Variants in PDZRN4 observed in about 807,000 individuals in gnomAD.
PDZRN4 encodes PDZ domain containing ring finger 4, also known as PDZ domain-containing RING finger protein 4.
In PDZRN4, 70 loss-of-function variants were observed where a neutral mutation model predicts 99.0. The observed-to-expected ratio is 0.71, with a 90% CI of 0.58 to 0.86. The LOEUF is 0.86. Ranked by LOEUF, PDZRN4 falls within the 40% of genes least tolerant of loss-of-function variation. PDZRN4 has a pLI of 0.00. For missense variants in PDZRN4, 1,474 were observed against 1,331.2 expected (o/e 1.11, Z -1.67); for synonymous variants, 551 against 501.6 (o/e 1.10, Z -1.32).
At chr12:41,255,163 GT>G (rs1453692869) in intron 3 of PDZRN4, among the ~76,000 whole-genome samples, 2 of 152,170 alleles carry the variant, frequency 1.3e-5, no homozygotes, top group Non-Finnish European at 2.9e-5. Context: ...AGGGGACAGA[GT>G]TTAGTGAGAC....
rs996491892 is a variant in PDZRN4 at position 41,327,649 on chromosome 12, G to A, written c.843+133461G>A. 3.3e-5 allele frequency among the ~76,000 whole-genome samples: 5 copies of A among 152,252 alleles called. 1 individual carries two copies. The highest frequency in any genetic ancestry group is 1.2e-4 in the African/African-American group (5 of 41,566). On this transcript the variant is annotated intron_variant, in intron 3 of 9. Transcript: ENST00000402685. ...AAGGCCAGGGGCTTAAGGCTGAAAT[G>A]GCTACTATCACTTTTAACTTTCTGT...
Position 41,244,808 on chromosome 12 carries a change from C to T in PDZRN4, c.843+50620C>T, listed in dbSNP as rs1326827182. Among the ~76,000 whole-genome samples, 5 of 149,422 alleles carry T rather than the reference C, an allele frequency of 3.3e-5. No individual in the cohort carries two copies. The East Asian group carries it at 1.0e-3, about 30-fold the overall frequency. On this transcript the variant is annotated intron_variant, in intron 3 of 9. Coordinates refer to ENST00000402685, the MANE Select transcript of PDZRN4 (RefSeq NM_001164595.2). ...CACGCCATTCTCCTGCCTCAGCCTCCCGAGTAGCTGGGACTACAGGCGCCC... is the reference window on the plus strand; with the variant it reads ...CACGCCATTCTCCTGCCTCAGCCTCTCGAGTAGCTGGGACTACAGGCGCCC...
At chr12:41,321,964 A>T (rs1416683035) in intron 3 of PDZRN4, among the ~76,000 whole-genome samples, 1 of 152,190 alleles carries the variant, frequency 6.6e-6, no homozygotes, top group East Asian at 1.9e-4. Flanking sequence ...CATATTAGAA[A>T]TTATATATTT....
chr12:41,238,336 T>C (rs1186810769), intron 3 of PDZRN4, among the ~76,000 whole-genome samples: 1 of 152,078 alleles, frequency 6.6e-6, no homozygotes, highest in Non-Finnish European at 1.5e-5. Flanking sequence ...ATCCTGAGAC[T>C]TTGCAGAAGT....
chr12:41,399,767 C>T (rs1045685694), intron 3 of PDZRN4, among the ~76,000 whole-genome samples: 2 of 151,744 alleles, frequency 1.3e-5, no homozygotes, highest in Non-Finnish European at 2.9e-5. Flanking sequence ...CAACCTATAG[C>T]GGTATGTTAA....
At chr12:41,540,148 A>G (rs1938823057) in intron 5 of PDZRN4, among the ~76,000 whole-genome samples, 1 of 152,220 alleles carries the variant, frequency 6.6e-6, no homozygotes, top group South Asian at 2.1e-4. Context: ...GAAATCATAC[A>G]TCAATTCAGG....
At chr12:41,248,692 A>G (rs1056380090) in intron 3 of PDZRN4, among the ~76,000 whole-genome samples, 2 of 152,188 alleles carry the variant, frequency 1.3e-5, no homozygotes, top group African/African-American at 4.8e-5. Flanking sequence ...ATATATAGCA[A>G]TTAACCAAAA....
At chr12:41,398,423 A>G (rs1223122047) in intron 3 of PDZRN4, among the ~76,000 whole-genome samples, 1 of 152,182 alleles carries the variant, frequency 6.6e-6, no homozygotes, top group African/African-American at 2.4e-5. Flanking sequence ...CAAGTTAGAA[A>G]AGAAAGTGAA....
At chr12:41,374,657 G>A (rs1952066778) in intron 3 of PDZRN4, among the ~76,000 whole-genome samples, 1 of 152,166 alleles carries the variant, frequency 6.6e-6, no homozygotes, top group African/African-American at 2.4e-5. Context: ...CATGAATGGA[G>A]GGGATAAATT....
intron 5 of PDZRN4, among the ~76,000 whole-genome samples, chr12:41,528,808 A>G (rs2120732854): frequency 1.3e-5 from 2 of 152,350 alleles, no homozygotes. Flanking sequence ...TAAGTTTTCA[A>G]AAAGTGTTAT....
intron 3 of PDZRN4, among the ~76,000 whole-genome samples, chr12:41,204,337 A>G (rs1217958220): frequency 6.6e-6 from 1 of 152,022 alleles, no homozygotes; most frequent in Non-Finnish European, 1.5e-5. Context: ...AAAAGGCTTG[A>G]TGGATTACCC....
chr12:41,449,904 A>G (rs538155172), intron 3 of PDZRN4, among the ~76,000 whole-genome samples: 10 of 152,242 alleles, frequency 6.6e-5, no homozygotes, highest in African/African-American at 1.9e-4. Flanking sequence ...TAAATTGTCA[A>G]ATTATTGATT....
At chr12:41,235,672 G>C (rs1951061916) in intron 3 of PDZRN4, among the ~76,000 whole-genome samples, 1 of 152,100 alleles carries the variant, frequency 6.6e-6, no homozygotes, top group African/African-American at 2.4e-5. Context: ...ATTTTTAAAT[G>C]CTGGTTTGAA....
chr12:41,564,851 G>T lies in PDZRN4; in HGVS notation c.1467+1202G>T, dbSNP rs929496427. On this transcript the variant is annotated intron_variant, in intron 8 of 9. Coordinates refer to ENST00000402685, the MANE Select transcript of PDZRN4 (RefSeq NM_001164595.2). Reference sequence around the variant, plus strand: ...CGCTGCTCCCATTTTCTTCAAAAAAGAACATAATAAAGGGGCTAAATGCAT... The same window carrying T: ...CGCTGCTCCCATTTTCTTCAAAAAATAACATAATAAAGGGGCTAAATGCAT... Among the ~76,000 whole-genome samples, 3 of 152,060 alleles carry T rather than the reference G, an allele frequency of 2.0e-5. No homozygotes were observed. The South Asian group carries it at 6.2e-4, about 32-fold the overall frequency.
intron 3 of PDZRN4, among the ~76,000 whole-genome samples, chr12:41,496,617 A>T (rs1938009745): frequency 6.6e-6 from 1 of 152,122 alleles, no homozygotes. Context: ...CCACTCAGAA[A>T]TCATTTGTAC....
chr12:41,392,246 G>A (rs1003007219), intron 3 of PDZRN4, among the ~76,000 whole-genome samples: 4 of 152,000 alleles, frequency 2.6e-5, no homozygotes, highest in Non-Finnish European at 4.4e-5. Flanking sequence ...TGATTCTTAT[G>A]TTTCTTTGAT....
chr12:41,543,208 C>A (rs1404528258), intron 5 of PDZRN4, among the ~76,000 whole-genome samples: 1 of 152,194 alleles, frequency 6.6e-6, no homozygotes, highest in Non-Finnish European at 1.5e-5. Flanking sequence ...TACTACATAT[C>A]CCATTGCACT....
chr12:41,232,845 G>A lies in PDZRN4; in HGVS notation c.843+38657G>A, dbSNP rs141270240. On this transcript the variant is annotated intron_variant, in intron 3 of 9. Transcript: ENST00000402685. ...TTTAATCCATCTTGAATTAATTTTC[G>A]TATAAAGTGTAAGGAAGGGATCCAG... is the stretch of plus-strand genomic sequence containing the variant. Among the ~76,000 whole-genome samples, 1,191 of 152,100 alleles carry A rather than the reference G, an allele frequency of 7.8e-3. 16 individuals are homozygous for A. The highest frequency in any genetic ancestry group is 0.026 in the African/African-American group (1,088 of 41,506).
At chr12:41,563,759 A>G in intron 8 of PDZRN4, 110 bp downstream of exon 8, 1 of 762,116 alleles carries the variant, frequency 1.3e-6, no homozygotes, top group Non-Finnish European at 2.2e-6. Context: ...CTATCAAATC[A>G]TTATCACGGT....
Sources: allele counts gnomAD v4.1 joint callset (sites outside exome capture counted in the v4.1 genomes callset), GRCh38; gene constraint gnomAD v4.1.1; transcripts MANE v1.5; gene names NCBI Gene and HGNC (gene_info 2026-07-23, HGNC 2026-07-21).